The following PRELID2 variants were observed in gnomAD, a reference collection of about 807,000 sequenced individuals.
The protein encoded by PRELID2 is PRELI domain containing 2.
A neutral mutation model predicts 28.4 loss-of-function variants in PRELID2; 25 were observed. The ratio of observed to expected loss-of-function variants is 0.88; its 90% CI spans 0.64 to 1.23. The LOEUF is 1.23. Among genes scored for constraint, PRELID2 ranks in the 50% most tolerant of loss-of-function variants. The pLI, the probability that PRELID2 is intolerant of heterozygous loss-of-function variation, is 0.00. For missense variants in PRELID2, 201 were observed against 214.4 expected (o/e 0.94, Z 0.39); for synonymous variants, 76 against 71.6 (o/e 1.06, Z -0.31).
intron 1 of PRELID2, among the ~76,000 whole-genome samples, chr5:145,673,537 T>C (rs927641184): frequency 6.6e-6 from 1 of 152,098 alleles, no homozygotes; most frequent in African/African-American, 2.4e-5. Context: ...TGAAACATTA[T>C]TGATGTACAC....
intron 1 of PRELID2, among the ~76,000 whole-genome samples, chr5:145,485,568 G>C (rs889884040): frequency 6.6e-6 from 1 of 152,120 alleles, no homozygotes; most frequent in Admixed American, 6.5e-5. Context: ...AACTGGCTTG[G>C]CTTCCTCGCT....
chr5:145,406,779 C>T, the PRELID2 span, among the ~76,000 whole-genome samples: 1 of 152,184 alleles, frequency 6.6e-6, no homozygotes, highest in Non-Finnish European at 1.5e-5. Context: ...TAAAGTCTGC[C>T]TCTGAACACA....
At chr5:145,282,089 A>T in the PRELID2 span, among the ~76,000 whole-genome samples, 1 of 152,196 alleles carries the variant, frequency 6.6e-6, no homozygotes, top group South Asian at 2.1e-4. Flanking sequence ...ACTTGTGAAG[A>T]TCAAGTGATG....
the PRELID2 span, among the ~76,000 whole-genome samples, chr5:145,438,290 A>C: frequency 6.6e-6 from 1 of 152,142 alleles, no homozygotes; most frequent in Non-Finnish European, 1.5e-5. Context: ...AAGAAGAAAG[A>C]CAAGAAATCA....
rs528030427 is a variant in PRELID2, at chr5:145,788,455, G to C, written c.474+7987C>G. Reference sequence around the variant, plus strand: ...TGGCACGGTCAAGAGATGAGTGAATGCCTCCCAGGTTGAGGAACACACTGT... The same window carrying C: ...TGGCACGGTCAAGAGATGAGTGAATCCCTCCCAGGTTGAGGAACACACTGT... On this transcript the variant is annotated intron_variant, in intron 5 of 6. Transcript: ENST00000683046. Among the ~76,000 whole-genome samples, 8 of 152,260 alleles carry C rather than the reference G, an allele frequency of 5.3e-5. No homozygotes were observed. In the East Asian group the frequency reaches 1.5e-3, roughly 29 times the overall value.
intron 1 of PRELID2, among the ~76,000 whole-genome samples, chr5:145,552,369 G>A (rs550483698): frequency 6.6e-6 from 1 of 152,202 alleles, no homozygotes; most frequent in Admixed American, 6.5e-5. Context: ...AAGACTTTGG[G>A]TGGGGTATGG....
chr5:145,578,170 A>AGATATCT (rs1301552267), intron 1 of PRELID2, among the ~76,000 whole-genome samples: 1 of 152,140 alleles, frequency 6.6e-6, no homozygotes, highest in African/African-American at 2.4e-5. Context: ...ATCCCGAGGA[A>AGATATCT]GATATCTCCC....
At chr5:145,710,082 G>A (rs1168575223) in intron 1 of PRELID2, among the ~76,000 whole-genome samples, 1 of 152,130 alleles carries the variant, frequency 6.6e-6, no homozygotes, top group Admixed American at 6.6e-5. Flanking sequence ...GATGGAAGAG[G>A]ATTTCTAATC....
chr5:145,320,204 T>G, the PRELID2 span, among the ~76,000 whole-genome samples: 1 of 152,192 alleles, frequency 6.6e-6, no homozygotes, highest in Admixed American at 6.5e-5. Context: ...TGAGTGCTCC[T>G]TAAACTACTT....
At chr5:145,334,089 T>C in the PRELID2 span, among the ~76,000 whole-genome samples, 1 of 152,140 alleles carries the variant, frequency 6.6e-6, no homozygotes, top group Non-Finnish European at 1.5e-5. Context: ...TGGCTCAACC[T>C]CCATAGGCTG....
At chr5:145,593,925 G>A (rs1198227086) in intron 1 of PRELID2, among the ~76,000 whole-genome samples, 1 of 152,122 alleles carries the variant, frequency 6.6e-6, no homozygotes, top group Non-Finnish European at 1.5e-5. Context: ...GAACACTAAT[G>A]ATATTAAGAA....
At chr5:145,319,766 C>G in the PRELID2 span, among the ~76,000 whole-genome samples, 1 of 152,048 alleles carries the variant, frequency 6.6e-6, no homozygotes, top group Non-Finnish European at 1.5e-5. Context: ...ATTAAAGGTG[C>G]TTATTCATAA....
At chr5:145,377,729 C>A in the PRELID2 span, among the ~76,000 whole-genome samples, 1 of 152,178 alleles carries the variant, frequency 6.6e-6, no homozygotes, top group African/African-American at 2.4e-5. Context: ...TTATTTTGAG[C>A]CCATGTGTGT....
the PRELID2 span, among the ~76,000 whole-genome samples, chr5:145,385,719 T>A: frequency 1.3e-5 from 2 of 152,206 alleles, no homozygotes; most frequent in Non-Finnish European, 2.9e-5. Flanking sequence ...TCATGGAAAT[T>A]CAGCCAATTG....
the PRELID2 span, among the ~76,000 whole-genome samples, chr5:145,279,986 G>A: frequency 5.3e-5 from 8 of 152,068 alleles, no homozygotes; most frequent in African/African-American, 1.7e-4. Context: ...CTAAATGAAT[G>A]ATTGGCTTAT....
intron 1 of PRELID2, among the ~76,000 whole-genome samples, chr5:145,561,132 T>G (rs1186591333): frequency 6.6e-6 from 1 of 152,160 alleles, no homozygotes; most frequent in Non-Finnish European, 1.5e-5. Flanking sequence ...AGCCTCCAAG[T>G]TATGAATAAA....
At chr5:145,470,286 T>C (rs946991044), downstream of PRELID2, among the ~76,000 whole-genome samples, 1 of 152,120 alleles carries the variant, frequency 6.6e-6, no homozygotes, top group Non-Finnish European at 1.5e-5. Flanking sequence ...TAAGACTTTC[T>C]CTACAAAAAC....
At chr5:145,675,274 C>G (rs909751570) in intron 1 of PRELID2, among the ~76,000 whole-genome samples, 2 of 152,030 alleles carry the variant, frequency 1.3e-5, no homozygotes, top group East Asian at 1.9e-4. Flanking sequence ...GTAAATGGCT[C>G]TTAGTCCATA....
chr5:145,568,340 A>G (rs1225715316), intron 1 of PRELID2, among the ~76,000 whole-genome samples: 1 of 152,168 alleles, frequency 6.6e-6, no homozygotes, highest in Non-Finnish European at 1.5e-5. Flanking sequence ...ACCATATATT[A>G]ACTCTTATCC....
Sources: gnomAD v4.1 joint callset for allele counts (sites outside exome capture counted in the v4.1 genomes callset) on GRCh38, gnomAD v4.1.1 for gene constraint, MANE v1.5 for transcripts, NCBI Gene and HGNC (gene_info 2026-07-23, HGNC 2026-07-21) for gene names.